DLGAP1: variants seen among roughly 807,000 people sequenced by gnomAD.
DLGAP1 encodes the protein disks large-associated protein 1.
Under a neutral mutation model 90.8 loss-of-function variants are expected in DLGAP1, and 11 were observed. The observed-to-expected ratio is 0.12, with a 90% CI of 0.08 to 0.20. The LOEUF (loss-of-function observed/expected upper bound fraction) is 0.20. Among genes scored for constraint, DLGAP1 ranks in the 10% least tolerant of loss-of-function variants. The pLI, the probability that DLGAP1 is intolerant of heterozygous loss-of-function variation, is 1.00. For missense variants in DLGAP1, 1,050 were observed against 1,333.8 expected (o/e 0.79, Z 3.31); for synonymous variants, 558 against 540.7 (o/e 1.03, Z -0.44).
At chr18:4,417,514 C>A (rs2082926374) in intron 1 of DLGAP1, among the ~76,000 whole-genome samples, 1 of 152,020 alleles carries the variant, frequency 6.6e-6, no homozygotes, top group South Asian at 2.1e-4. Context: ...AATAAGAGTT[C>A]TAGAGACTTC....
intron 2 of DLGAP1, among the ~76,000 whole-genome samples, chr18:4,069,988 CT>C (rs367638752): frequency 3.1e-3 from 445 of 144,850 alleles, no homozygotes; most frequent in African/African-American, 4.7e-3. Context: ...TTCTTTCTTT[CT>C]TTTTTTTTTT....
At chr18:4,295,352 T>C (rs375008970) in intron 1 of DLGAP1, 4 of 152,222 alleles carry the variant, frequency 2.6e-5, no homozygotes, top group African/African-American at 9.6e-5. Flanking sequence ...AGTAGCCTAA[T>C]GGTGTTCCCT....
chr18:3,752,624 C>T (rs986989102), intron 5 of DLGAP1, among the ~76,000 whole-genome samples: 16 of 143,056 alleles, frequency 1.1e-4, no homozygotes, highest in African/African-American at 3.7e-4. Flanking sequence ...CTCCCTCTCC[C>T]CCTCCCCACC....
At chr18:4,387,475 T>C (rs1248445485) in intron 1 of DLGAP1, among the ~76,000 whole-genome samples, 3 of 152,218 alleles carry the variant, frequency 2.0e-5, no homozygotes, top group Non-Finnish European at 4.4e-5. Context: ...TCATTTTAAT[T>C]TCATGACTAT....
At chr18:4,027,973 C>G (rs969068733) in intron 2 of DLGAP1, among the ~76,000 whole-genome samples, 62 of 152,252 alleles carry the variant, frequency 4.1e-4, no homozygotes, top group African/African-American at 1.3e-3. Flanking sequence ...CCTTGATAAC[C>G]AATCAGTTGT....
chr18:4,075,042 A>G (rs942599488), intron 2 of DLGAP1, among the ~76,000 whole-genome samples: 4 of 152,184 alleles, frequency 2.6e-5, no homozygotes, highest in African/African-American at 9.6e-5. Context: ...TTGTCTCATT[A>G]GTTTTCTTGA....
At chr18:3,944,466 T>G (rs2148954018) in intron 3 of DLGAP1, among the ~76,000 whole-genome samples, 1 of 152,196 alleles carries the variant, frequency 6.6e-6, no homozygotes, top group Non-Finnish European at 1.5e-5. Context: ...ATTGCACCAC[T>G]GCACTCCAGC....
At chr18:4,297,194 A>T (rs2080004861) in intron 1 of DLGAP1, among the ~76,000 whole-genome samples, 1 of 152,192 alleles carries the variant, frequency 6.6e-6, no homozygotes, top group Admixed American at 6.5e-5. Flanking sequence ...CCTGGGGCTC[A>T]GAGAGATTTA....
chr18:3,747,959 T>C (rs542350667), intron 5 of DLGAP1, among the ~76,000 whole-genome samples: 2 of 152,284 alleles, frequency 1.3e-5, no homozygotes, highest in South Asian at 2.1e-4. Context: ...ACCAAAATAG[T>C]GCATCGATGA....
intron 1 of DLGAP1, among the ~76,000 whole-genome samples, chr18:4,175,267 G>T (rs1280173331): frequency 6.6e-6 from 1 of 151,692 alleles, no homozygotes; most frequent in Non-Finnish European, 1.5e-5. Flanking sequence ...TGATGGGGTT[G>T]TTTTTTTTCT....
rs1555718019 is a variant in DLGAP1 at position 3,977,434 on chromosome 18, G to GTGTTTTTTTTTTTTTTTTTTTTTT, written c.-73+27681_-73+27682insAAAAAAAAAAAAAAAAAAAAAACA. 2.2e-4 allele frequency among the ~76,000 whole-genome samples: 21 copies of GTGTTTTTTTTTTTTTTTTTTTTTT among 95,338 alleles called. 1 individual carries two copies. The highest frequency in any genetic ancestry group is 8.8e-4 in the African/African-American group (21 of 23,972). The allele number at this position is 95,338 out of a possible 152,430, so 62.5% of individuals were successfully genotyped here. Reference sequence around the variant, plus strand: ...AGTTAATGAATTATGTTTATTCTGTGTTTTTTTTTTTTTTTTTTTTGCTGA... The same window carrying GTGTTTTTTTTTTTTTTTTTTTTTT: ...AGTTAATGAATTATGTTTATTCTGTGTGTTTTTTTTTTTTTTTTTTTTTTTTTTTTTTTTTTTTTTTTTTGCTGA... On this transcript the variant is annotated intron_variant, in intron 3 of 12. Transcript: ENST00000315677.
At chr18:4,272,932 C>T (rs1183522703) in intron 1 of DLGAP1, among the ~76,000 whole-genome samples, 1 of 152,096 alleles carries the variant, frequency 6.6e-6, no homozygotes, top group Non-Finnish European at 1.5e-5. Context: ...GAGGTGGAGA[C>T]TGCAGCTACA....
chr18:3,971,677 A>T (rs927825472), intron 3 of DLGAP1, among the ~76,000 whole-genome samples: 1 of 152,208 alleles, frequency 6.6e-6, no homozygotes, highest in African/African-American at 2.4e-5. Context: ...AGCTGTACTA[A>T]GGATAACATA....
chr18:3,942,734 A>G (rs2072794532), intron 3 of DLGAP1, among the ~76,000 whole-genome samples: 1 of 152,228 alleles, frequency 6.6e-6, no homozygotes, highest in East Asian at 1.9e-4. Context: ...GGAGGGCAGA[A>G]ATTCATTTTG....
At chr18:3,763,868 G>C (rs530727702) in intron 5 of DLGAP1, among the ~76,000 whole-genome samples, 28 of 152,200 alleles carry the variant, frequency 1.8e-4, no homozygotes, top group African/African-American at 6.5e-4. Flanking sequence ...CACCACGTTA[G>C]TCAGGCTGGT....
intron 8 of DLGAP1, 44 bp from the exon 9 acceptor site, chr18:3,567,625 T>C (rs766626048): frequency 6.3e-5 from 97 of 1,540,068 alleles, no homozygotes; most frequent in Non-Finnish European, 8.2e-5. Context: ...ATTTCAGTCA[T>C]CTTGCTTGAA....
At chr18:3,591,523 A>G (rs2056245781) in intron 7 of DLGAP1, among the ~76,000 whole-genome samples, 1 of 151,618 alleles carries the variant, frequency 6.6e-6, no homozygotes, top group Non-Finnish European at 1.5e-5. Flanking sequence ...ACCCATCTCC[A>G]CAAAATTATC....
intron 4 of DLGAP1, among the ~76,000 whole-genome samples, chr18:3,815,913 A>T (rs376384455): frequency 1.3e-5 from 2 of 152,196 alleles, no homozygotes; most frequent in Non-Finnish European, 2.9e-5. Context: ...CAGAGACGAG[A>T]AGAGAAACGA....
At chr18:4,194,923 G>A (rs2077467316) in intron 1 of DLGAP1, among the ~76,000 whole-genome samples, 1 of 152,124 alleles carries the variant, frequency 6.6e-6, no homozygotes. Context: ...TATCATTTGT[G>A]TGTGCGTGGT....
Sources: gnomAD v4.1 joint callset for allele counts (sites outside exome capture counted in the v4.1 genomes callset) on GRCh38, gnomAD v4.1.1 for gene constraint, MANE v1.5 for transcripts, NCBI Gene and HGNC (gene_info 2026-07-23, HGNC 2026-07-21) for gene names.